FGF13: variants seen among roughly 807,000 people sequenced by gnomAD.
FGF13 encodes the protein fibroblast growth factor 13.
In FGF13, 2 loss-of-function variants were observed where a neutral mutation model predicts 19.5. The ratio of observed to expected loss-of-function variants is 0.10; its 90% CI spans 0.04 to 0.32. The LOEUF (loss-of-function observed/expected upper bound fraction) is 0.32. Among genes scored for constraint, FGF13 ranks in the 10% least tolerant of loss-of-function variants. The pLI is 1.00. For missense variants in FGF13, 113 were observed against 192.7 expected, an observed-to-expected ratio of 0.59 and a Z score of 2.45; for synonymous variants, 72 against 76.9, an observed-to-expected ratio of 0.94 and a Z score of 0.33.
intron 1 of FGF13, among the ~76,000 whole-genome samples, chrX:139,083,098 C>T (rs773438138): frequency 5.5e-4 from 61 of 110,897 alleles, no homozygotes; most frequent in African/African-American, 1.9e-3. Context: ...CTCTCCTCCC[C>T]CTCTTACCTT....
chrX:138,891,936 G>A lies in FGF13; in HGVS notation c.-112-27286C>T, dbSNP rs145175894. On this transcript the variant is annotated intron_variant, in intron 1 of 2. Coordinates refer to the FGF13 transcript ENST00000421460. ...CCCCAGCTTGCAGATGGCCTATTGT[G>A]AGATCTTGTGATCGTGTAAGTTAAT... 9.3e-4 allele frequency among the ~76,000 whole-genome samples: 102 copies of A among 110,075 alleles called. No homozygotes were observed. In the East Asian group the frequency reaches 0.014, roughly 15 times the overall value.
At chrX:139,170,293 C>T (rs1182478812) in intron 1 of FGF13, among the ~76,000 whole-genome samples, 1 of 111,395 alleles carries the variant, frequency 9.0e-6, no homozygotes, top group Non-Finnish European at 1.9e-5. Context: ...TATGCTAATG[C>T]ATCCTCCTCA....
In FGF13 at chrX:138,624,436, A is replaced by G. The variant is rs1334270999; in HGVS notation, c.*8414T>C. 1.8e-5 allele frequency: 2 copies of G among 112,623 alleles called. No homozygotes were observed. Among genetic ancestry groups the G allele is most frequent in the Admixed American group, 1.9e-4 (2 of 10,631 alleles). 9.3% of individuals were successfully genotyped at this position (112,623 alleles called of 1,213,427 possible). Reference sequence around the variant, plus strand: ...ACAAAAATCAACTCAAAATCGATTAAAAACTTAAACATAAGACCTAAAATT... The same window carrying G: ...ACAAAAATCAACTCAAAATCGATTAGAAACTTAAACATAAGACCTAAAATT... On this transcript the variant is annotated 3_prime_UTR_variant, in exon 5 of 5. Transcript: ENST00000315930.
chrX:138,900,386 C>G (rs754443747), intron 1 of FGF13, among the ~76,000 whole-genome samples: 4 of 110,898 alleles, frequency 3.6e-5, no homozygotes, highest in Non-Finnish European at 7.6e-5. Flanking sequence ...TCTTCTCCAT[C>G]TCAATAAAAG....
intron 3 of FGF13, among the ~76,000 whole-genome samples, chrX:138,828,030 C>G (rs2091045660): frequency 9.0e-6 from 1 of 111,688 alleles, no homozygotes; most frequent in Non-Finnish European, 1.9e-5. Flanking sequence ...CTGGTGACGA[C>G]AAATTCTCAA....
intron 3 of FGF13, among the ~76,000 whole-genome samples, chrX:138,700,852 T>A (rs1260178248): frequency 8.9e-6 from 1 of 111,789 alleles, no homozygotes; most frequent in East Asian, 2.8e-4. Flanking sequence ...GGCCCACCCA[T>A]CACGGAAAGG....
At chrX:138,827,561 A>G (rs948131426) in intron 3 of FGF13, among the ~76,000 whole-genome samples, 5 of 111,459 alleles carry the variant, frequency 4.5e-5, no homozygotes, top group Non-Finnish European at 3.8e-5. Context: ...AATTTTAACA[A>G]TAGTTAGAAT....
At chrX:139,090,837 G>T (rs1159833072) in intron 1 of FGF13, among the ~76,000 whole-genome samples, 2 of 107,962 alleles carry the variant, frequency 1.9e-5, no homozygotes, top group African/African-American at 6.8e-5. Context: ...GCAGGCTTGG[G>T]GAAGTGAGGC....
chrX:139,201,585 A>G (rs2084415549), intron 1 of FGF13, among the ~76,000 whole-genome samples: 1 of 112,558 alleles, frequency 8.9e-6, no homozygotes, highest in African/African-American at 3.2e-5. Context: ...GTTACAAAGA[A>G]TATGCCAATT....
chrX:138,825,341 G>C (rs2091026623), intron 3 of FGF13, among the ~76,000 whole-genome samples: 1 of 111,829 alleles, frequency 8.9e-6, no homozygotes, highest in Non-Finnish European at 1.9e-5. Context: ...CAAACATTAA[G>C]ATCAAACTCA....
At chrX:138,944,093 C>G (rs1207151139) in intron 1 of FGF13, among the ~76,000 whole-genome samples, 1 of 111,136 alleles carries the variant, frequency 9.0e-6, no homozygotes. Flanking sequence ...CAATATTAAG[C>G]TCTTAGACCT....
intron 3 of FGF13, among the ~76,000 whole-genome samples, chrX:138,661,058 T>C (rs1368212325): frequency 1.8e-5 from 2 of 111,740 alleles, no homozygotes; most frequent in Non-Finnish European, 3.8e-5. Flanking sequence ...TTCAGAAATC[T>C]ACTACCACTA....
intron 1 of FGF13, among the ~76,000 whole-genome samples, chrX:139,052,004 C>T (rs1476720519): frequency 8.9e-6 from 1 of 112,452 alleles, no homozygotes; most frequent in Non-Finnish European, 1.9e-5. Flanking sequence ...GTTCATTCAT[C>T]TGTTCATATC....
intron 3 of FGF13, among the ~76,000 whole-genome samples, chrX:138,768,693 A>T (rs1166238321): frequency 6.1e-5 from 6 of 98,103 alleles, no homozygotes; most frequent in East Asian, 3.1e-4. Context: ...CTTATATATA[A>T]GTATATATTA....
chrX:138,745,024 C>T (rs1035983186), intron 3 of FGF13, among the ~76,000 whole-genome samples: 9 of 111,999 alleles, frequency 8.0e-5, no homozygotes, highest in Non-Finnish European at 1.1e-4. Context: ...CTGACAAGAG[C>T]TGACTGATAT....
chrX:138,665,181 C>G (rs1193807782), intron 3 of FGF13, among the ~76,000 whole-genome samples: 1 of 111,026 alleles, frequency 9.0e-6, no homozygotes, highest in Non-Finnish European at 1.9e-5. Context: ...CCACTCAAAA[C>G]TAATTTGAAG....
At chrX:138,970,060 A>G (rs1460956666) in intron 1 of FGF13, among the ~76,000 whole-genome samples, 1 of 111,878 alleles carries the variant, frequency 8.9e-6, no homozygotes, top group East Asian at 2.8e-4. Context: ...GAAGAAAAGG[A>G]AAGGAAATTC....
intron 1 of FGF13, among the ~76,000 whole-genome samples, chrX:138,878,263 T>C (rs1325398607): frequency 9.5e-6 from 1 of 105,741 alleles, no homozygotes; most frequent in Non-Finnish European, 1.9e-5. Flanking sequence ...AATTCGTCAT[T>C]TAACATTAGG....
intron 3 of FGF13, among the ~76,000 whole-genome samples, chrX:138,769,523 T>C (rs1473777803): frequency 8.0e-5 from 9 of 112,037 alleles, no homozygotes; most frequent in Non-Finnish European, 1.5e-4. Flanking sequence ...ATTATACCAT[T>C]ATAACCATGA....
Sources: allele counts gnomAD v4.1 joint callset (sites outside exome capture counted in the v4.1 genomes callset), GRCh38; gene constraint gnomAD v4.1.1; transcripts MANE v1.5; gene names NCBI Gene and HGNC (gene_info 2026-07-23, HGNC 2026-07-21).